ACSF2: variants seen among roughly 807,000 people sequenced by gnomAD.
ACSF2 encodes acyl-CoA synthetase family member 2, also known as medium-chain acyl-CoA ligase ACSF2, mitochondrial.
ACSF2 carries 52 observed loss-of-function variants against 79.3 expected under a neutral mutation model. The observed-to-expected ratio is 0.66, with a 90% CI of 0.53 to 0.83. The LOEUF is 0.83. Among genes scored for constraint, ACSF2 ranks in the 40% least tolerant of loss-of-function variants. The pLI is 0.00. For synonymous variants in ACSF2, 283 were observed against 312.6 expected, an observed-to-expected ratio of 0.91 and a Z score of 1.00; for missense variants, 661 against 803.3, an observed-to-expected ratio of 0.82 and a Z score of 2.14.
At chr17:50,464,769 T>TGTG (rs781027982) in intron 10 of ACSF2, 14 of 170,524 alleles carry the variant, frequency 8.2e-5, no homozygotes, top group Admixed American at 4.1e-4. Flanking sequence ...CTGATTGACT[T>TGTG]GGGGGGGGGG....
At chr17:50,436,309 T>G (rs2030416472) in intron 1 of ACSF2, among the ~76,000 whole-genome samples, 1 of 152,032 alleles carries the variant, frequency 6.6e-6, no homozygotes, top group Non-Finnish European at 1.5e-5. Flanking sequence ...TTTTGTATTT[T>G]TAGTAGAGAC....
In ACSF2 at chr17:50,464,770, G is replaced by GGGT. The variant is rs565678266; in HGVS notation, c.1215+478_1215+479insTGG. On this transcript the variant is annotated intron_variant, in intron 10 of 15. Transcript: ENST00000300441. ...AACCTGTTGTGGTTCTGATTGACTTGGGGGGGGGGTCTCAGCAACAGCTTC... is the reference window on the plus strand; with the variant it reads ...AACCTGTTGTGGTTCTGATTGACTTGGGTGGGGGGGGGTCTCAGCAACAGCTTC... The GGGT allele has an allele frequency of 9.2e-5, 15 of 163,352 alleles. 1 individual carries two copies. The highest frequency in any genetic ancestry group is 5.1e-4 in the African/African-American group (7 of 13,618). 10.1% of individuals were successfully genotyped at this position (163,352 alleles called of 1,614,324 possible). A position where few individuals can be genotyped will look rare whatever the true frequency, so the allele number is the denominator to read the frequency against.
At chr17:50,454,800 A>G (rs2031890647) in intron 1 of ACSF2, among the ~76,000 whole-genome samples, 1 of 152,086 alleles carries the variant, frequency 6.6e-6, no homozygotes, top group Admixed American at 6.5e-5. Flanking sequence ...CACCTGTCAG[A>G]GCCGCTGTGA....
At chr17:50,470,453 T>C (rs541658115) in intron 10 of ACSF2, among the ~76,000 whole-genome samples, 4 of 152,112 alleles carry the variant, frequency 2.6e-5, no homozygotes, top group African/African-American at 9.6e-5. Context: ...TTTTTTTATT[T>C]TGATGGAAAT....
chr17:50,445,276 T>C (rs1344811458), intron 1 of ACSF2, among the ~76,000 whole-genome samples: 1 of 152,150 alleles, frequency 6.6e-6, no homozygotes, highest in African/African-American at 2.4e-5. Flanking sequence ...AACTTTTTCA[T>C]CTCAGTGTTC....
At chr17:50,473,836 G>A (rs890855473) in intron 13 of ACSF2, 30 bp downstream of exon 13, 1 of 1,613,454 alleles carries the variant, frequency 6.2e-7, no homozygotes, top group African/African-American at 1.3e-5. Context: ...TGAGCCCCCA[G>A]AAACAAGAAA....
chr17:50,431,260 G>A (rs1284974601), intron 1 of ACSF2, among the ~76,000 whole-genome samples: 1 of 152,202 alleles, frequency 6.6e-6, no homozygotes, highest in Non-Finnish European at 1.5e-5. Flanking sequence ...GCAGTGTACT[G>A]TGAAGCATGT....
At chr17:50,469,079 C>T in intron 10 of ACSF2, 7 of 1,223,022 alleles carry the variant, frequency 5.7e-6, no homozygotes, top group Middle Eastern at 6.3e-4. Context: ...CCGTGGCCCC[C>T]GAGCCCCGAG....
At chr17:50,472,647 G>A (rs1396188842) in intron 12 of ACSF2, 68 bp downstream of exon 12, 17 of 1,519,656 alleles carry the variant, frequency 1.1e-5, no homozygotes, top group Admixed American at 4.5e-5. Flanking sequence ...AGGCTGAGCC[G>A]GGAACATTAA....
rs747971781 is a variant in ACSF2, at chr17:50,463,912, G to A, written c.1138+3G>A. ...TGACATCTCGACCATGTGTGGAGGT[G>A]GGGTGGGGCCAAGGGCAGCCAGGCT... On this transcript the variant is annotated splice_donor_region_variant and intron_variant, in intron 9 of 15. Coordinates refer to ENST00000300441, the MANE Select transcript of ACSF2 (RefSeq NM_025149.6). The surrounding 1 kb of genome is among the most constrained non-coding windows in gnomAD (Gnocchi z 4.6). 1.9e-6 allele frequency: 3 copies of A among 1,614,024 alleles called. No homozygotes were observed. Among genetic ancestry groups the A allele is most frequent in the Admixed American group, 1.7e-5 (1 of 60,014 alleles).
chr17:50,436,070 G>T (rs2030382794), intron 1 of ACSF2, among the ~76,000 whole-genome samples: 1 of 151,982 alleles, frequency 6.6e-6, no homozygotes, highest in African/African-American at 2.4e-5. Flanking sequence ...TGCTTATATA[G>T]AATGTGAGAC....
chr17:50,441,795 C>G (rs1490206891), intron 1 of ACSF2, among the ~76,000 whole-genome samples: 1 of 151,984 alleles, frequency 6.6e-6, no homozygotes, highest in African/African-American at 2.4e-5. Flanking sequence ...TAGACATTTT[C>G]CATGTCATTA....
intron 1 of ACSF2, among the ~76,000 whole-genome samples, chr17:50,449,582 AT>A (rs78156279): frequency 6.2e-3 from 814 of 130,428 alleles, no homozygotes; most frequent in African/African-American, 0.011. Context: ...TTTTTTTTGT[AT>A]TTTTTTTTTT....
intron 9 of ACSF2, 81 bp from the exon 10 acceptor site, chr17:50,464,137 T>C: frequency 6.8e-7 from 1 of 1,465,078 alleles, no homozygotes; most frequent in Non-Finnish European, 9.6e-7. Flanking sequence ...GGAATGTTCC[T>C]CCCCTGAATG....
chr17:50,460,866 G>A lies in ACSF2; in HGVS notation c.318G>A (p.Lys106=). The part of the protein sequence containing the change: ...EDVRLTFAQL[K]EEVDKAASGL... ...TCAGGTTGACCTTTGCCCAACTCAA[G>A]GAGGAGGTGGGTCCTGACCTGGAAA... Residue 106 remains lysine, a synonymous_variant, in exon 2 of 16, where the codon AAG becomes AAA. Coordinates refer to ENST00000300441, the MANE Select transcript of ACSF2 (RefSeq NM_025149.6). 1 of 1,607,958 alleles carries A rather than the reference G, an allele frequency of 6.2e-7. No individual in the cohort carries two copies.
chr17:50,471,953 A>G lies in ACSF2; in HGVS notation c.1324-475A>G, dbSNP rs1198284589. Reference sequence around the variant, plus strand: ...TTCACGGACACAGACACTGAGGCACACAGAGGCTCAGCTTTCCTTGGCACG... The same window carrying G: ...TTCACGGACACAGACACTGAGGCACGCAGAGGCTCAGCTTTCCTTGGCACG... On this transcript the variant is annotated intron_variant, in intron 11 of 15. Coordinates refer to ENST00000300441, the MANE Select transcript of ACSF2 (RefSeq NM_025149.6). The surrounding 1 kb of genome is among the most constrained non-coding windows in gnomAD (Gnocchi z 4.1). 6.6e-6 allele frequency among the ~76,000 whole-genome samples: 1 copy of G among 152,212 alleles called. No individual in the cohort carries two copies. The highest frequency in any genetic ancestry group is 2.4e-5 in the African/African-American group (1 of 41,438).
intron 1 of ACSF2, among the ~76,000 whole-genome samples, chr17:50,444,011 A>G (rs1405230323): frequency 6.6e-6 from 1 of 152,208 alleles, no homozygotes; most frequent in African/African-American, 2.4e-5. Context: ...GCTTATGAAT[A>G]TTCTTTGACA....
In ACSF2 at chr17:50,469,004, C is replaced by T. The variant is rs2032955374; in HGVS notation, c.1216-2024C>T. The stretch of plus-strand genomic sequence containing the variant: ...TCGCTCGCGCCCAGAGATGCGCCCC[C>T]GCCCTCCACGGGGAAGGGGGCGGGG... On this transcript the variant is annotated intron_variant, in intron 10 of 15. Coordinates refer to ENST00000300441, the MANE Select transcript of ACSF2 (RefSeq NM_025149.6). The T allele has an allele frequency of 4.4e-6, 6 of 1,357,356 alleles. No homozygotes were observed. The East Asian group carries it at 8.8e-5, about 20-fold the overall frequency. The allele number at this position is 1,357,356 out of a possible 1,614,324, so 84.1% of individuals were successfully genotyped here. A position where few individuals can be genotyped will look rare whatever the true frequency, so the allele number is the denominator to read the frequency against.
intron 10 of ACSF2, chr17:50,467,924 TAGCC>T (rs2032844695): frequency 1.9e-6 from 2 of 1,071,484 alleles, no homozygotes; most frequent in Non-Finnish European, 2.7e-6. Context: ...ACCTTGGAGA[TAGCC>T]AGAGGGACAG....
Sources: allele counts gnomAD v4.1 joint callset (sites outside exome capture counted in the v4.1 genomes callset), GRCh38; gene constraint gnomAD v4.1.1; non-coding constraint Gnocchi (gnomAD v3.1); transcripts MANE v1.5; gene names NCBI Gene and HGNC (gene_info 2026-07-23, HGNC 2026-07-21).